The following WWOX variants were observed in gnomAD, a reference collection of about 807,000 sequenced individuals.
WWOX encodes WW domain containing oxidoreductase, also known as WW domain-containing oxidoreductase.
In WWOX, 69 loss-of-function variants were observed where a neutral mutation model predicts 46.2. That is an observed-to-expected ratio of 1.49 (90% CI 1.23 to 1.82). The LOEUF (loss-of-function observed/expected upper bound fraction) is 1.82, where lower values mean the gene tolerates loss of function less well. Ranked by LOEUF, WWOX falls within the 40% of genes most tolerant of loss-of-function variation. The probability of loss-of-function intolerance (pLI) is 0.00; values close to 1 mark genes in which losing one functional copy is unlikely to be tolerated. For missense variants in WWOX, 919 were observed against 542.6 expected, an observed-to-expected ratio of 1.69 and a Z score of -6.89; for synonymous variants, 359 against 202.6, an observed-to-expected ratio of 1.77 and a Z score of -6.56.
At chr16:78,303,584 G>A (rs2080081228) in intron 5 of WWOX, among the ~76,000 whole-genome samples, 2 of 152,052 alleles carry the variant, frequency 1.3e-5, no homozygotes, top group African/African-American at 4.8e-5. Context: ...CGCTCTCGTT[G>A]CCCAGTCTGG....
chr16:79,067,211 A>T (rs2048457742), intron 8 of WWOX, among the ~76,000 whole-genome samples: 1 of 152,120 alleles, frequency 6.6e-6, no homozygotes, highest in Admixed American at 6.5e-5. Flanking sequence ...GCTTCTGGTG[A>T]TTCTGATATT....
chr16:78,153,417 T>G (rs1364135421), intron 4 of WWOX, among the ~76,000 whole-genome samples: 1 of 152,168 alleles, frequency 6.6e-6, no homozygotes, highest in Non-Finnish European at 1.5e-5. Context: ...AAGATAGTAG[T>G]CTGTTAATAC....
intron 8 of WWOX, among the ~76,000 whole-genome samples, chr16:78,869,241 C>G (rs1371340333): frequency 1.3e-5 from 2 of 152,148 alleles, no homozygotes; most frequent in South Asian, 2.1e-4. Flanking sequence ...AAGCAGATCT[C>G]TATCCTGTCA....
chr16:78,985,304 G>A (rs988098293), intron 8 of WWOX, among the ~76,000 whole-genome samples: 1 of 152,202 alleles, frequency 6.6e-6, no homozygotes, highest in Non-Finnish European at 1.5e-5. Flanking sequence ...AGAGGAAGCA[G>A]TTCAGCCCGT....
At chr16:78,683,717 C>A (rs1027740852) in intron 8 of WWOX, among the ~76,000 whole-genome samples, 1 of 152,070 alleles carries the variant, frequency 6.6e-6, no homozygotes, top group South Asian at 2.1e-4. Context: ...TTTTCAATAC[C>A]ATTGATAAGT....
In WWOX at chr16:78,951,290, A is replaced by T. The variant is rs2046054631; in HGVS notation, c.1057-260318A>T. On this transcript the variant is annotated intron_variant, in intron 8 of 8. Coordinates refer to ENST00000566780, the MANE Select transcript of WWOX (RefSeq NM_016373.4). Reference sequence around the variant, plus strand: ...GCAGACATGGCCAGCATGCGCCCATAGCCTTAATGCTCAGGGAATATTGGT... The same window carrying T: ...GCAGACATGGCCAGCATGCGCCCATTGCCTTAATGCTCAGGGAATATTGGT... Among the ~76,000 whole-genome samples the T allele has an allele frequency of 1.3e-5, 2 of 152,072 alleles. 1 individual carries two copies. Among genetic ancestry groups the T allele is most frequent in the Non-Finnish European group, 2.9e-5 (2 of 68,026 alleles).
intron 8 of WWOX, among the ~76,000 whole-genome samples, chr16:78,981,056 A>G (rs1488227384): frequency 6.6e-6 from 1 of 152,330 alleles, no homozygotes; most frequent in South Asian, 2.1e-4. Flanking sequence ...TCATGCAGTC[A>G]TACTTTGCAG....
chr16:78,308,318 C>G lies in WWOX; in HGVS notation c.517-78542C>G, dbSNP rs192067323. Among the ~76,000 whole-genome samples, 892 of 152,234 alleles carry G rather than the reference C, an allele frequency of 5.9e-3. 7 individuals carry two copies. Among genetic ancestry groups the G allele is most frequent in the Non-Finnish European group, 9.7e-3 (660 of 68,008 alleles). The stretch of plus-strand genomic sequence containing the variant: ...TCCCTGCCTCTGGGCCAAGGGGATT[C>G]CGAAATAAACCTGAAAAACTAGTTC... On this transcript the variant is annotated intron_variant, in intron 5 of 8. Coordinates refer to ENST00000566780, the MANE Select transcript of WWOX (RefSeq NM_016373.4).
At chr16:78,959,834 A>G (rs955952797) in intron 8 of WWOX, among the ~76,000 whole-genome samples, 1 of 152,216 alleles carries the variant, frequency 6.6e-6, no homozygotes, top group Admixed American at 6.5e-5. Flanking sequence ...ACGGGGAACT[A>G]TAAAAGATCC....
intron 8 of WWOX, among the ~76,000 whole-genome samples, chr16:78,702,405 C>T (rs115687988): frequency 1.3e-5 from 2 of 151,922 alleles, no homozygotes; most frequent in Admixed American, 6.6e-5. Context: ...ATTCCCAGTA[C>T]TTTGTGAGGC....
intron 8 of WWOX, among the ~76,000 whole-genome samples, chr16:78,901,527 G>T (rs542568168): frequency 1.7e-4 from 26 of 152,254 alleles, no homozygotes; most frequent in African/African-American, 6.3e-4. Flanking sequence ...TCCCTCTGTT[G>T]CCCAGGCTCG....
At chr16:79,047,020 C>G (rs1294222404) in intron 8 of WWOX, among the ~76,000 whole-genome samples, 1 of 152,162 alleles carries the variant, frequency 6.6e-6, no homozygotes, top group Admixed American at 6.5e-5. Flanking sequence ...GACCTTTTAT[C>G]AGAAATTTGC....
intron 8 of WWOX, among the ~76,000 whole-genome samples, chr16:78,803,341 G>A (rs2050945622): frequency 6.6e-6 from 1 of 151,720 alleles, no homozygotes; most frequent in Non-Finnish European, 1.5e-5. Context: ...TAGTCAAATT[G>A]CTCTTCATTC....
intron 8 of WWOX, among the ~76,000 whole-genome samples, chr16:79,150,329 A>G (rs893046939): frequency 2.0e-5 from 3 of 152,226 alleles, no homozygotes; most frequent in Non-Finnish European, 4.4e-5. Context: ...TGACTCATGC[A>G]TCAGGAACTT....
chr16:78,355,680 T>C (rs1055810236), intron 5 of WWOX: 6 of 735,460 alleles, frequency 8.2e-6, no homozygotes, highest in Admixed American at 7.6e-5. Flanking sequence ...CATTTAAATA[T>C]GATCTTGGGA....
intron 8 of WWOX, among the ~76,000 whole-genome samples, chr16:79,059,668 G>C (rs80174675): frequency 0.013 from 1,941 of 152,088 alleles, 21 homozygotes; most frequent in South Asian, 0.024. Flanking sequence ...CTAATTTTTT[G>C]TATTTTTAGT....
chr16:78,882,224 CAT>C lies in WWOX; in HGVS notation c.1057-329383_1057-329382del, dbSNP rs1170821209. ...GTGTCATAAAGCCAATACTTTCTAA[CAT>C]GTGTATAGTATGTTATAGTTTTCAA... On this transcript the variant is annotated intron_variant, in intron 8 of 8. Coordinates refer to ENST00000566780, the MANE Select transcript of WWOX (RefSeq NM_016373.4). 5.9e-5 allele frequency among the ~76,000 whole-genome samples: 9 copies of C among 152,312 alleles called. No homozygotes were observed. In the South Asian group the frequency reaches 1.9e-3, roughly 32 times the overall value.
intron 6 of WWOX, among the ~76,000 whole-genome samples, chr16:78,390,093 C>T (rs2082148057): frequency 1.3e-5 from 2 of 152,196 alleles, no homozygotes; most frequent in Admixed American, 1.3e-4. Context: ...ATGTGAGTGA[C>T]TTTCGCAGGG....
chr16:78,809,029 C>T (rs2051117712), intron 8 of WWOX, among the ~76,000 whole-genome samples: 1 of 152,068 alleles, frequency 6.6e-6, no homozygotes, highest in African/African-American at 2.4e-5. Flanking sequence ...TCACAGGTTG[C>T]AGGCTTCATA....
Sources: allele counts gnomAD v4.1 joint callset (sites outside exome capture counted in the v4.1 genomes callset), GRCh38; gene constraint gnomAD v4.1.1; transcripts MANE v1.5; gene names NCBI Gene and HGNC (gene_info 2026-07-23, HGNC 2026-07-21).